Variants in GTF2F1 observed in about 807,000 individuals in gnomAD.
GTF2F1 encodes general transcription factor IIF subunit 1.
In GTF2F1, 39 loss-of-function variants were observed where a neutral mutation model predicts 63.5. The observed-to-expected ratio is 0.61, with a 90% confidence interval of 0.48 to 0.80. The LOEUF is 0.80. Ranked by LOEUF, GTF2F1 falls within the 30% of genes least tolerant of loss-of-function variation. The probability of loss-of-function intolerance (pLI) is 0.00; values close to 1 mark genes in which losing one functional copy is unlikely to be tolerated. For missense variants in GTF2F1, 657 were observed against 718.3 expected, an observed-to-expected ratio of 0.91 and a Z score of 0.97; for synonymous variants, 287 against 285.3, an observed-to-expected ratio of 1.01 and a Z score of -0.06.
intron 3 of GTF2F1, 183 bp from the exon 4 acceptor site, chr19:6,389,820 C>A (rs1435639599): frequency 1.9e-6 from 1 of 521,472 alleles, no homozygotes; most frequent in Non-Finnish European, 3.4e-6. Context: ...TTTGGGCGAG[C>A]CTTGCGCTCT....
At chr19:6,392,557 T>C (rs1419085740) in intron 2 of GTF2F1, 2 of 584,872 alleles carry the variant, frequency 3.4e-6, no homozygotes, top group African/African-American at 3.7e-5. Flanking sequence ...CCTGACCACT[T>C]TGAAACAGGA....
At position 6,381,643 on chromosome 19, in the gene GTF2F1, G is replaced by A. The variant is rs182233096; in HGVS notation, c.837-28C>T. 1.2e-4 allele frequency: 198 copies of A among 1,614,004 alleles called. No individual in the cohort carries two copies. The Admixed American group carries it at 2.3e-3, about 19-fold the overall frequency. ...GTAAGACGGGGATGGCAAAGGATGA[G>A]CGCGCGCTCGCGAGGCTGCATGGGG... On this transcript the variant is annotated intron_variant, in intron 7 of 12. Transcript: ENST00000394456. This position sits in a 1 kb window ranked among gnomAD's most constrained non-coding sequence, Gnocchi z 4.1.
At position 6,381,022 on chromosome 19, in the gene GTF2F1, CTT is replaced by C. The variant is rs772539013; in HGVS notation, c.1111_1112del (p.Lys371GlufsTer85). The C allele has an allele frequency of 2.1e-4, 342 of 1,612,016 alleles. No homozygotes were observed. Among genetic ancestry groups the C allele is most frequent in the Non-Finnish European group, 2.7e-4 (313 of 1,179,254 alleles). On this transcript the variant is annotated frameshift_variant, in exon 11 of 13. Transcript: ENST00000394456. LOFTEE classifies it high-confidence loss of function. This position sits in a 1 kb window ranked among gnomAD's most constrained non-coding sequence, Gnocchi z 4.1. Reference sequence around the variant, plus strand: ...TCCCTCCCGACGGCTTCCGCTCTCTCTTGGGTGGCGTCTTCTTCTTCTGCAGA... The same window carrying C: ...TCCCTCCCGACGGCTTCCGCTCTCTCGGGTGGCGTCTTCTTCTTCTGCAGA... ...LFMAKKKTPP[K>X]RERKPSGGSS... is the part of the protein sequence containing the mutation.
chr19:6,380,587 T>A lies in GTF2F1; in HGVS notation c.1335A>T (p.Thr445=), dbSNP rs746921999. The part of the protein sequence containing the change: ...KSTPQPPSGK[T]TPNSGDVQVT... Reference sequence around the variant, plus strand: ...CGTCAACTTACCCGCTGTTGGGTGTTGTCTTGCCTGATGGTGGCTGGGGTG... The same window carrying A: ...CGTCAACTTACCCGCTGTTGGGTGTAGTCTTGCCTGATGGTGGCTGGGGTG... Residue 445 remains threonine, a synonymous_variant, in exon 12 of 13, where the codon ACA becomes ACT. Transcript: ENST00000394456. This position sits in a 1 kb window ranked among gnomAD's most constrained non-coding sequence, Gnocchi z 5.3. The A allele has an allele frequency of 6.2e-7, 1 of 1,614,050 alleles. No individual in the cohort carries two copies. The highest frequency in any genetic ancestry group is 8.5e-7 in the Non-Finnish European group (1 of 1,179,982).
Position 6,391,912 on chromosome 19 carries a change from G to T in GTF2F1, c.122C>A (p.Thr41Lys). ...FNAADKVNFATWNQARLERDL... is the reference protein window; with the variant it reads ...FNAADKVNFAKWNQARLERDL... ...GACTCAGAGACTTACCTGATTCCAC[G>T]TAGCAAAGTTGACTTTGTCGGCTGC... The change falls in exon 3 of 13, where the codon ACG (threonine) becomes AAG (lysine). Residue 41 changes from threonine (T) to lysine (K), a missense_variant. Transcript: ENST00000394456. 6.3e-7 allele frequency: 1 copy of T among 1,579,126 alleles called. No individual in the cohort carries two copies. The highest frequency in any genetic ancestry group is 8.6e-7 in the Non-Finnish European group (1 of 1,159,524).
At position 6,389,530 on chromosome 19, in the gene GTF2F1, C is replaced by T. The variant is rs757867593; in HGVS notation, c.240G>A (p.Arg80=). ...EFNRKLREEA[R]RKKYGIVLKE... is the part of the protein sequence containing the mutation. The stretch of plus-strand genomic sequence containing the variant: ...TGAGGACGATGCCGTACTTCTTCCT[C>T]CGAGCCTCCTCCCGAAGCTTGCGGT... The change falls in exon 4 of 13, where the codon CGG becomes CGA. Residue 80 remains arginine, a synonymous_variant. Coordinates refer to ENST00000394456, the MANE Select transcript of GTF2F1 (RefSeq NM_002096.3). 1.3e-5 allele frequency: 21 copies of T among 1,614,144 alleles called. No individual in the cohort carries two copies. Among genetic ancestry groups the T allele is most frequent in the Admixed American group, 6.7e-5 (4 of 60,008 alleles).
chr19:6,380,680 C>A lies in GTF2F1; in HGVS notation c.1242G>T (p.Val414=). The change falls in exon 12 of 13, where the codon GTG becomes GTT. Residue 414 remains valine, a synonymous_variant. Transcript: ENST00000394456. The surrounding 1 kb of genome is among the most constrained non-coding windows in gnomAD (Gnocchi z 5.3). ...ACCGCTTGGCTGCAGGCATCTCGCT[C>A]ACCCGCTTCCCTGTGGGAGTGGGGT... ...AASKLEQGKR[V]SEMPAAKRLR... The A allele has an allele frequency of 2.5e-6, 4 of 1,611,804 alleles. No homozygotes were observed. The South Asian group carries it at 4.4e-5, about 18-fold the overall frequency.
At chr19:6,386,434 G>C (rs1353198005) in intron 5 of GTF2F1, among the ~76,000 whole-genome samples, 3 of 152,012 alleles carry the variant, frequency 2.0e-5, no homozygotes, top group African/African-American at 7.2e-5. Flanking sequence ...ACACCAAAGA[G>C]GGAAAAAGGT....
In GTF2F1 at chr19:6,389,540, TCC is replaced by T; in HGVS notation, c.228_229del (p.Glu77GlyfsTer114). The T allele has an allele frequency of 1.2e-6, 2 of 1,614,214 alleles. No homozygotes were observed. The highest frequency in any genetic ancestry group is 1.7e-6 in the Non-Finnish European group (2 of 1,180,028). ...GCCGTACTTCTTCCTCCGAGCCTCCTCCCGAAGCTTGCGGTTGAACTCACTGC... is the reference window on the plus strand; with the variant it reads ...GCCGTACTTCTTCCTCCGAGCCTCCTCGAAGCTTGCGGTTGAACTCACTGC... On this transcript the variant is annotated frameshift_variant, in exon 4 of 13. Transcript: ENST00000394456. LOFTEE classifies it high-confidence loss of function.
chr19:6,385,640 G>C (rs964498135), intron 5 of GTF2F1, among the ~76,000 whole-genome samples: 5 of 152,098 alleles, frequency 3.3e-5, no homozygotes, highest in African/African-American at 1.2e-4. Flanking sequence ...TTGTTCCAGG[G>C]GAGCAGGGGT....
chr19:6,381,368 GCTT>G lies in GTF2F1; in HGVS notation c.1006_1008del (p.Lys336del), dbSNP rs755201695. Reference sequence around the variant, plus strand: ...GCCACATGCGCCGCACCTTTCCTGCGCTTCTTCTCCTGCGGGGTGGGTGCCTTC... The same window carrying G: ...GCCACATGCGCCGCACCTTTCCTGCGCTTCTCCTGCGGGGTGGGTGCCTTC... On this transcript the variant is annotated inframe_deletion, in exon 9 of 13. Transcript: ENST00000394456. This position sits in a 1 kb window ranked among gnomAD's most constrained non-coding sequence, Gnocchi z 4.1. 19 of 1,602,066 alleles carry G rather than the reference GCTT, an allele frequency of 1.2e-5. No individual in the cohort carries two copies. The highest frequency in any genetic ancestry group is 1.6e-5 in the Non-Finnish European group (19 of 1,174,652).
Position 6,381,201 on chromosome 19 carries a change from G to A in GTF2F1, c.1019-6C>T. 2 of 1,605,162 alleles carry A rather than the reference G, an allele frequency of 1.2e-6. No individual in the cohort carries two copies. Among genetic ancestry groups the A allele is most frequent in the Non-Finnish European group, 1.7e-6 (2 of 1,176,458 alleles). On this transcript the variant is annotated splice_polypyrimidine_tract_variant and splice_region_variant and intron_variant, in intron 9 of 12. Transcript: ENST00000394456. The surrounding 1 kb of genome is among the most constrained non-coding windows in gnomAD (Gnocchi z 4.1). ...GTCCGACTCCTCGCTGCTGTCTGCGGGGCACAGGAAAGGGGTCAGGGCCAG... is the reference window on the plus strand; with the variant it reads ...GTCCGACTCCTCGCTGCTGTCTGCGAGGCACAGGAAAGGGGTCAGGGCCAG...
chr19:6,380,647 C>T lies in GTF2F1; in HGVS notation c.1275G>A (p.Leu425=), dbSNP rs575037167. The part of the protein sequence containing the change: ...SEMPAAKRLR[L]DTGPQSLSGK... ...CAGACAGGCTCTGGGGTCCCGTGTC[C>T]AGCCGCAACCGCTTGGCTGCAGGCA... Residue 425 remains leucine (L), a synonymous_variant, in exon 12 of 13, where the codon CTG becomes CTA. Transcript: ENST00000394456. This position sits in a 1 kb window ranked among gnomAD's most constrained non-coding sequence, Gnocchi z 5.3. 3.7e-6 allele frequency: 6 copies of T among 1,613,634 alleles called. No homozygotes were observed. Among genetic ancestry groups the T allele is most frequent in the East Asian group, 2.2e-5 (1 of 44,868 alleles).
chr19:6,380,912 A>G lies in GTF2F1; in HGVS notation c.1223T>C (p.Leu408Pro). The stretch of plus-strand genomic sequence containing the variant: ...AGGCCACGGGCACTCACCTTGCTCG[A>G]GTTTGCTGGCAGCCGCCCGCAGGGT... ...SSTLRAAASK[L>P]EQGKRVSEMP... Residue 408 changes from leucine (L) to proline (P), a missense_variant, in exon 11 of 13, where the codon CTC becomes CCC. By Grantham distance (98) the Leu-to-Pro change is moderately conservative. Transcript: ENST00000394456. This position sits in a 1 kb window ranked among gnomAD's most constrained non-coding sequence, Gnocchi z 5.3. 1 of 1,564,646 alleles carries G rather than the reference A, an allele frequency of 6.4e-7. No individual in the cohort carries two copies. The highest frequency in any genetic ancestry group is 8.6e-7 in the Non-Finnish European group (1 of 1,157,460).
Position 6,383,586 on chromosome 19 carries a change from T to A in GTF2F1, c.498-91A>T. 7.2e-7 allele frequency: 1 copy of A among 1,381,604 alleles called. No homozygotes were observed. The allele number at this position is 1,381,604 out of a possible 1,614,324, so 85.6% of individuals were successfully genotyped here. ...GGCGAGCCCCAGGGCACCACCCACA[T>A]AGCCTTCAAGGTGATGTGGCCCCCG... On this transcript the variant is annotated intron_variant, in intron 5 of 12. Transcript: ENST00000394456. The surrounding 1 kb of genome is among the most constrained non-coding windows in gnomAD (Gnocchi z 4.5).
Position 6,383,268 on chromosome 19 carries a change from A to C in GTF2F1, c.682+43T>G. The C allele has an allele frequency of 6.3e-7, 1 of 1,584,406 alleles. No individual in the cohort carries two copies. The highest frequency in any genetic ancestry group is 8.6e-7 in the Non-Finnish European group (1 of 1,156,330). ...ACTTTGCCTTCACTGGCACTGCCTG[A>C]GCAGGCACCTCTGTGACCTAATGCC... On this transcript the variant is annotated intron_variant, in intron 6 of 12. Coordinates refer to ENST00000394456, the MANE Select transcript of GTF2F1 (RefSeq NM_002096.3). The surrounding 1 kb of genome is among the most constrained non-coding windows in gnomAD (Gnocchi z 4.5).
In GTF2F1 at chr19:6,381,394, T is replaced by G. The variant is rs1599209155; in HGVS notation, c.983A>C (p.Lys328Thr). The G allele has an allele frequency of 6.2e-7, 1 of 1,610,636 alleles. No individual in the cohort carries two copies. The highest frequency in any genetic ancestry group is 8.5e-7 in the Non-Finnish European group (1 of 1,179,092). ...CTTCTTCTCCTGCGGGGTGGGTGCC[T>G]TCTTCTCCTCCTCCTCCTCCTTGTC... The part of the protein sequence containing the change: ...EEDKEEEEEK[K>T]APTPQEKKRR... The change falls in exon 9 of 13, where the codon AAG (lysine) becomes ACG (threonine). Residue 328 changes from lysine to threonine, a missense_variant. Physicochemically the swap from Lys to Thr is moderately conservative, Grantham distance 78. This residue lies in a region of GTF2F1 where 602 missense variants were observed against 625.6 expected (regional missense o/e 0.96). Transcript: ENST00000394456. The surrounding 1 kb of genome is among the most constrained non-coding windows in gnomAD (Gnocchi z 4.1).
chr19:6,383,518 C>T lies in GTF2F1; in HGVS notation c.498-23G>A. 2 of 1,607,180 alleles carry T rather than the reference C, an allele frequency of 1.2e-6. No individual in the cohort carries two copies. The highest frequency in any genetic ancestry group is 1.7e-6 in the Non-Finnish European group (2 of 1,176,336). On this transcript the variant is annotated intron_variant, in intron 5 of 12. Transcript: ENST00000394456. The surrounding 1 kb of genome is among the most constrained non-coding windows in gnomAD (Gnocchi z 4.5). ...CTCCTGCGGGCCAGGCACAGGGGGGCTCATGCCGGGCCTGGCACCACCCTG... is the reference window on the plus strand; with the variant it reads ...CTCCTGCGGGCCAGGCACAGGGGGGTTCATGCCGGGCCTGGCACCACCCTG...
Position 6,381,544 on chromosome 19 carries a change from C to T in GTF2F1, c.898+10G>A. ...CCCCCATCTCCCCGGCCCGCCCAGCCATCGCCTACCCTTGGGCCCCTCCTC... is the reference window on the plus strand; with the variant it reads ...CCCCCATCTCCCCGGCCCGCCCAGCTATCGCCTACCCTTGGGCCCCTCCTC... On this transcript the variant is annotated intron_variant, in intron 8 of 12. Coordinates refer to ENST00000394456, the MANE Select transcript of GTF2F1 (RefSeq NM_002096.3). This position sits in a 1 kb window ranked among gnomAD's most constrained non-coding sequence, Gnocchi z 4.1. 6.2e-7 allele frequency: 1 copy of T among 1,612,516 alleles called. No homozygotes were observed.
Sources: gnomAD v4.1 joint callset for allele counts (sites outside exome capture counted in the v4.1 genomes callset) on GRCh38, gnomAD v4.1.1 for gene constraint, gnomAD v4.1.1 regional missense constraint, Gnocchi (gnomAD v3.1) non-coding constraint, MANE v1.5 for transcripts, NCBI Gene and HGNC (gene_info 2026-07-23, HGNC 2026-07-21) for gene names.